ERC2: variants seen among roughly 807,000 people sequenced by gnomAD.
The protein encoded by ERC2 is ELKS/RAB6-interacting/CAST family member 2.
In ERC2, 42 loss-of-function variants were observed where a neutral mutation model predicts 114.8. The ratio of observed to expected loss-of-function variants is 0.37; its 90% CI spans 0.29 to 0.47. The LOEUF (loss-of-function observed/expected upper bound fraction) is 0.47, where lower values mean the gene tolerates loss of function less well. ERC2 is among the 20% of genes least tolerant of loss of function. ERC2 has a pLI of 0.99. For synonymous variants in ERC2, 454 were observed against 425.5 expected (o/e 1.07, Z -0.82); for missense variants, 939 against 1,150.7 (o/e 0.82, Z 2.66).
chr3:56,155,294 T>C (rs1182963481), intron 4 of ERC2, among the ~76,000 whole-genome samples: 2 of 151,616 alleles, frequency 1.3e-5, no homozygotes, highest in African/African-American at 4.8e-5. Flanking sequence ...CCAATCAGAG[T>C]TCTTTTAGGG....
chr3:56,209,494 A>C (rs1049261815), intron 3 of ERC2, among the ~76,000 whole-genome samples: 12 of 152,318 alleles, frequency 7.9e-5, no homozygotes, highest in Non-Finnish European at 1.8e-4. Context: ...ATGAGGGTGT[A>C]GACCATTTCT....
At chr3:55,853,156 G>A (rs1448885987) in intron 14 of ERC2, among the ~76,000 whole-genome samples, 1 of 152,090 alleles carries the variant, frequency 6.6e-6, no homozygotes, top group Non-Finnish European at 1.5e-5. Flanking sequence ...ACCCACCCTC[G>A]ACCGTCCAAC....
At chr3:55,601,274 A>G (rs1208113419) in intron 17 of ERC2, among the ~76,000 whole-genome samples, 1 of 152,200 alleles carries the variant, frequency 6.6e-6, no homozygotes, top group African/African-American at 2.4e-5. Context: ...AATGCCATCT[A>G]GGCAGAACTG....
At chr3:55,736,820 C>A (rs1343560636) in intron 14 of ERC2, among the ~76,000 whole-genome samples, 1 of 152,170 alleles carries the variant, frequency 6.6e-6, no homozygotes, top group Non-Finnish European at 1.5e-5. Context: ...CTCCTTCAAT[C>A]TTTACAGTAT....
At chr3:55,683,121 T>C (rs886229029) in intron 17 of ERC2, among the ~76,000 whole-genome samples, 3 of 152,202 alleles carry the variant, frequency 2.0e-5, no homozygotes, top group African/African-American at 2.4e-5. Context: ...CAAAGCCTCA[T>C]AGAAGTATAA....
At chr3:55,804,281 T>C (rs1444770842) in intron 14 of ERC2, among the ~76,000 whole-genome samples, 1 of 152,192 alleles carries the variant, frequency 6.6e-6, no homozygotes, top group Non-Finnish European at 1.5e-5. Context: ...ACAGCTTGGC[T>C]ACAGGCCTGC....
intron 17 of ERC2, among the ~76,000 whole-genome samples, chr3:55,598,613 T>C (rs1010326098): frequency 1.3e-5 from 2 of 152,254 alleles, no homozygotes; most frequent in Non-Finnish European, 2.9e-5. Context: ...TCACCTGCCT[T>C]CCATAGCCCT....
chr3:55,571,485 G>A (rs1331041910), intron 17 of ERC2, among the ~76,000 whole-genome samples: 1 of 152,110 alleles, frequency 6.6e-6, no homozygotes, highest in Non-Finnish European at 1.5e-5. Flanking sequence ...CAATCACCCT[G>A]GGACCAAGCA....
chr3:55,989,260 A>T (rs2070870336), intron 11 of ERC2, among the ~76,000 whole-genome samples: 1 of 152,376 alleles, frequency 6.6e-6, no homozygotes, highest in South Asian at 2.1e-4. Context: ...CTGCTGCTTT[A>T]ATGCATTCCA....
chr3:55,689,536 TTCA>T (rs1227202655), intron 16 of ERC2, among the ~76,000 whole-genome samples: 1 of 152,210 alleles, frequency 6.6e-6, no homozygotes, highest in African/African-American at 2.4e-5. Flanking sequence ...TTTTCGCTCC[TTCA>T]TCGATCAGTC....
intron 3 of ERC2, among the ~76,000 whole-genome samples, chr3:56,293,601 G>A (rs1454280003): frequency 6.6e-6 from 1 of 152,182 alleles, no homozygotes; most frequent in Non-Finnish European, 1.5e-5. Context: ...TTTAACATGA[G>A]TCTTTTATAT....
chr3:55,648,326 G>A (rs1038260636), intron 17 of ERC2, among the ~76,000 whole-genome samples: 1 of 152,206 alleles, frequency 6.6e-6, no homozygotes, highest in Non-Finnish European at 1.5e-5. Flanking sequence ...AGACTTTTGG[G>A]GAATTATTCA....
chr3:56,446,608 C>CTTCTTTTTTTTTTTT, intron 1 of ERC2, among the ~76,000 whole-genome samples: 3 of 128,592 alleles, frequency 2.3e-5, no homozygotes, highest in African/African-American at 9.0e-5. Context: ...GGCGCATTTT[C>CTTCTTTTTTTTTTTT]TTCTTTTTTT....
intron 6 of ERC2, among the ~76,000 whole-genome samples, chr3:56,122,371 T>C (rs1292650263): frequency 2.6e-5 from 4 of 152,176 alleles, no homozygotes; most frequent in Non-Finnish European, 5.9e-5. Flanking sequence ...ATAATGGTGG[T>C]GGCCCCTGGA....
At chr3:56,206,244 T>G (rs2048728451) in intron 3 of ERC2, among the ~76,000 whole-genome samples, 1 of 151,958 alleles carries the variant, frequency 6.6e-6, no homozygotes, top group South Asian at 2.1e-4. Context: ...AAGCCAGGGT[T>G]TGAACCCAGG....
At position 55,609,307 on chromosome 3, in the gene ERC2, G is replaced by A. The variant is rs189175069; in HGVS notation, c.*39+74487C>T. On this transcript the variant is annotated intron_variant, in intron 17 of 17. Coordinates refer to ENST00000288221, the MANE Select transcript of ERC2 (RefSeq NM_015576.3). ...AACTCAGGGGGTGTGTCCTAAATTA[G>A]GCCCCAGCCAATTAGCTTCCAGCAT... is the stretch of plus-strand genomic sequence containing the variant. 4.0e-4 allele frequency among the ~76,000 whole-genome samples: 61 copies of A among 152,290 alleles called. 1 individual carries two copies. The Middle Eastern group carries it at 0.01, about 25-fold the overall frequency.
intron 3 of ERC2, among the ~76,000 whole-genome samples, chr3:56,215,732 C>T (rs1225599735): frequency 1.3e-5 from 2 of 152,176 alleles, no homozygotes; most frequent in Non-Finnish European, 2.9e-5. Flanking sequence ...AAATTGACCA[C>T]ATAGTTGGAA....
At chr3:56,022,242 T>C (rs1404778254) in intron 7 of ERC2, among the ~76,000 whole-genome samples, 1 of 152,226 alleles carries the variant, frequency 6.6e-6, no homozygotes, top group Non-Finnish European at 1.5e-5. Flanking sequence ...AAAAAATTAT[T>C]GCATAGAACA....
At chr3:56,440,085 T>C (rs942333183) in intron 1 of ERC2, among the ~76,000 whole-genome samples, 2 of 152,200 alleles carry the variant, frequency 1.3e-5, no homozygotes, top group Non-Finnish European at 2.9e-5. Context: ...TTCTTAATTA[T>C]TAAACCAACT....
Sources: gnomAD v4.1 joint callset for allele counts (sites outside exome capture counted in the v4.1 genomes callset) on GRCh38, gnomAD v4.1.1 for gene constraint, MANE v1.5 for transcripts, NCBI Gene and HGNC (gene_info 2026-07-23, HGNC 2026-07-21) for gene names.